EIF2AK4: variants seen among roughly 807,000 people sequenced by gnomAD.
EIF2AK4 encodes eukaryotic translation initiation factor 2 alpha kinase 4, also known as eIF-2-alpha kinase GCN2.
EIF2AK4 carries 139 observed loss-of-function variants against 211.1 expected under a neutral mutation model. That is an observed-to-expected ratio of 0.66 (90% CI 0.57 to 0.76). EIF2AK4 has a LOEUF of 0.76. Ranked by LOEUF, EIF2AK4 falls within the 30% of genes least tolerant of loss-of-function variation. The pLI is 0.00. For synonymous variants in EIF2AK4, 710 were observed against 751.3 expected, an observed-to-expected ratio of 0.94 and a Z score of 0.90; for missense variants, 1,664 against 2,043.8, an observed-to-expected ratio of 0.81 and a Z score of 3.58.
At chr15:39,992,575 T>G (rs2140928664) in intron 17 of EIF2AK4, 194 bp from the exon 18 acceptor site, 1 of 601,072 alleles carries the variant, frequency 1.7e-6, no homozygotes, top group East Asian at 2.8e-5. Flanking sequence ...AAGACATCCT[T>G]GTGTAGAACC....
At chr15:40,028,975 C>G (rs1239604104) in intron 33 of EIF2AK4, among the ~76,000 whole-genome samples, 1 of 152,162 alleles carries the variant, frequency 6.6e-6, no homozygotes, top group Non-Finnish European at 1.5e-5. Flanking sequence ...CCATTCACGG[C>G]TTTTTAAAGA....
intron 13 of EIF2AK4, among the ~76,000 whole-genome samples, chr15:39,984,723 AGTT>A (rs1195682285): frequency 6.6e-6 from 1 of 152,226 alleles, no homozygotes; most frequent in East Asian, 1.9e-4. Context: ...ACTTTGCTGA[AGTT>A]GCTTATCAGC....
rs149943301 is a variant in EIF2AK4, at chr15:39,999,047, C to G, written c.2922+263C>G. Among the ~76,000 whole-genome samples the G allele has an allele frequency of 7.6e-3, 1,159 of 151,606 alleles. 17 individuals carry two copies. The highest frequency in any genetic ancestry group is 0.027 in the African/African-American group (1,116 of 41,348). Reference sequence around the variant, plus strand: ...TGTGCTTTTGAAGTGCTATTTGGACCCTTGGCTTAGCTGTTGAAAAAAAAA... The same window carrying G: ...TGTGCTTTTGAAGTGCTATTTGGACGCTTGGCTTAGCTGTTGAAAAAAAAA... On this transcript the variant is annotated intron_variant, in intron 20 of 38. Coordinates refer to ENST00000263791, the MANE Select transcript of EIF2AK4 (RefSeq NM_001013703.4).
At position 40,008,204 on chromosome 15, in the gene EIF2AK4, C is replaced by G. The variant is rs1271727814; in HGVS notation, c.3576+9C>G. ...AGTTTCCAGCACTTCAGGTTCCTTTCCATATTTTAACATTCCAAGATTCCC... is the reference window on the plus strand; with the variant it reads ...AGTTTCCAGCACTTCAGGTTCCTTTGCATATTTTAACATTCCAAGATTCCC... On this transcript the variant is annotated intron_variant, in intron 25 of 38. Coordinates refer to ENST00000263791, the MANE Select transcript of EIF2AK4 (RefSeq NM_001013703.4). 1 of 1,583,444 alleles carries G rather than the reference C, an allele frequency of 6.3e-7. No homozygotes were observed. The highest frequency in any genetic ancestry group is 8.6e-7 in the Non-Finnish European group (1 of 1,167,220).
chr15:39,998,417 G>A (rs2035049647), intron 19 of EIF2AK4, among the ~76,000 whole-genome samples: 1 of 151,818 alleles, frequency 6.6e-6, no homozygotes, highest in Non-Finnish European at 1.5e-5. Flanking sequence ...TTATGTTTTT[G>A]GGGTTAGTCC....
At chr15:39,934,594 G>A (rs1206521608) in intron 1 of EIF2AK4, among the ~76,000 whole-genome samples, 1 of 152,170 alleles carries the variant, frequency 6.6e-6, no homozygotes, top group Admixed American at 6.5e-5. Context: ...CCTCTTACCT[G>A]GCACTGCTTC....
chr15:39,949,681 T>A (rs971045614), intron 4 of EIF2AK4, among the ~76,000 whole-genome samples: 3 of 152,218 alleles, frequency 2.0e-5, no homozygotes, highest in African/African-American at 7.2e-5. Context: ...ATATTATCTT[T>A]GATTTAAAGG....
chr15:39,990,509 G>C (rs918010094), intron 16 of EIF2AK4, 132 bp downstream of exon 16: 94 of 744,458 alleles, frequency 1.3e-4, no homozygotes, highest in Non-Finnish European at 2.0e-4. Flanking sequence ...ATACAAACCT[G>C]AAGGGGTATG....
intron 13 of EIF2AK4, among the ~76,000 whole-genome samples, chr15:39,983,376 G>T (rs1350170693): frequency 6.6e-6 from 1 of 151,508 alleles, no homozygotes; most frequent in African/African-American, 2.4e-5. Flanking sequence ...CATATCTTTT[G>T]CCCACTTTTT....
intron 10 of EIF2AK4, 95 bp downstream of exon 10, chr15:39,973,109 TTA>T: frequency 1.0e-6 from 1 of 988,502 alleles, no homozygotes; most frequent in Admixed American, 1.9e-5. Flanking sequence ...GCTGCATGTG[TTA>T]TTTTATGTCT....
At chr15:39,963,966 A>G (rs1398120390) in intron 7 of EIF2AK4, among the ~76,000 whole-genome samples, 1 of 152,206 alleles carries the variant, frequency 6.6e-6, no homozygotes, top group Admixed American at 6.5e-5. Flanking sequence ...CCATCCCATA[A>G]ACATTTAATG....
chr15:40,007,194 C>A, intron 24 of EIF2AK4, 129 bp downstream of exon 24: 3 of 857,068 alleles, frequency 3.5e-6, no homozygotes, highest in Non-Finnish European at 5.4e-6. Context: ...GAATATTGAG[C>A]TTAGAATATG....
chr15:40,024,630 C>T (rs2035440512), intron 32 of EIF2AK4, among the ~76,000 whole-genome samples: 1 of 151,270 alleles, frequency 6.6e-6, no homozygotes, highest in East Asian at 1.9e-4. Context: ...GAGCTCCTGA[C>T]CTCATGATCC....
At chr15:39,971,239 C>G (rs999676250) in intron 9 of EIF2AK4, among the ~76,000 whole-genome samples, 7 of 152,034 alleles carry the variant, frequency 4.6e-5, no homozygotes, top group Non-Finnish European at 8.8e-5. Context: ...AGTATTCCAG[C>G]ACAGCAGGGC....
chr15:39,996,472 A>T (rs1333390001), intron 18 of EIF2AK4, among the ~76,000 whole-genome samples: 1 of 152,214 alleles, frequency 6.6e-6, no homozygotes, highest in African/African-American at 2.4e-5. Context: ...TAGGAGGCCA[A>T]GGTGGGTGAA....
At chr15:39,976,363 C>T (rs746753437) in intron 11 of EIF2AK4, 51 bp from the exon 12 acceptor site, 6 of 1,530,072 alleles carry the variant, frequency 3.9e-6, no homozygotes, top group South Asian at 2.6e-5. Context: ...GGTGCAAATG[C>T]CTGTTTGTGC....
intron 35 of EIF2AK4, 22 bp from the exon 36 acceptor site, chr15:40,032,147 A>C (rs751687564): frequency 6.3e-7 from 1 of 1,598,020 alleles, no homozygotes; most frequent in South Asian, 1.1e-5. Flanking sequence ...CATGTTCTGA[A>C]TTCCATTTTC....
intron 31 of EIF2AK4, 86 bp downstream of exon 31, chr15:40,021,113 ACT>A (rs2035381682): frequency 1.3e-5 from 18 of 1,429,290 alleles, no homozygotes; most frequent in Non-Finnish European, 1.6e-5. Flanking sequence ...AGACTGTCAA[ACT>A]CTGTTTATCT....
Position 40,003,302 on chromosome 15 carries a change from T to G in EIF2AK4, c.3345T>G (p.Pro1115=). 6.2e-7 allele frequency: 1 copy of G among 1,614,106 alleles called. No homozygotes were observed. Among genetic ancestry groups the G allele is most frequent in the Non-Finnish European group, 8.5e-7 (1 of 1,180,008 alleles). The stretch of plus-strand genomic sequence containing the variant: ...ACAGCGGGATGCTGGTGATGCTTCC[T>G]TTTGACCTGCGGGTGAGGCTGGGAA... ...MDHSGMLVML[P]FDLRIPFARY... is the part of the protein sequence containing the mutation. The change falls in exon 23 of 39, where the codon CCT becomes CCG. Residue 1115 remains proline, a synonymous_variant. Coordinates refer to ENST00000263791, the MANE Select transcript of EIF2AK4 (RefSeq NM_001013703.4).
Sources: gnomAD v4.1 joint callset for allele counts (sites outside exome capture counted in the v4.1 genomes callset) on GRCh38, gnomAD v4.1.1 for gene constraint, MANE v1.5 for transcripts, NCBI Gene and HGNC (gene_info 2026-07-23, HGNC 2026-07-21) for gene names.